RSF1: variants seen among roughly 807,000 people sequenced by gnomAD.
RSF1 encodes the protein remodeling and spacing factor 1.
Under a neutral mutation model 145.2 loss-of-function variants are expected in RSF1, and 13 were observed. The ratio of observed to expected loss-of-function variants is 0.09; its 90% CI spans 0.06 to 0.14. The LOEUF (loss-of-function observed/expected upper bound fraction) is 0.14, where lower values mean the gene tolerates loss of function less well. Among genes scored for constraint, RSF1 ranks in the 10% least tolerant of loss-of-function variants. RSF1 has a pLI of 1.00. For synonymous variants in RSF1, 577 were observed against 592.6 expected (o/e 0.97, Z 0.38); for missense variants, 1,517 against 1,718.2 (o/e 0.88, Z 2.07).
At position 77,814,318 on chromosome 11, in the gene RSF1, C is replaced by T. The variant is rs542082661; in HGVS notation, c.187+6210G>A. Among the ~76,000 whole-genome samples the T allele has an allele frequency of 2.0e-5, 3 of 152,184 alleles. No homozygotes were observed. In the South Asian group the frequency reaches 6.3e-4, roughly 32 times the overall value. The stretch of plus-strand genomic sequence containing the variant: ...TTCAAGACCAGCCTGGACAATACAG[C>T]AAGACCTCATTCTCTACCAAAAAAA... On this transcript the variant is annotated intron_variant, in intron 1 of 15. Coordinates refer to ENST00000308488, the MANE Select transcript of RSF1 (RefSeq NM_016578.4).
At position 77,701,396 on chromosome 11, in the gene RSF1, T is replaced by C; in HGVS notation, c.1833A>G (p.Pro611=). 1.2e-6 allele frequency: 2 copies of C among 1,614,046 alleles called. No homozygotes were observed. The highest frequency in any genetic ancestry group is 1.1e-5 in the South Asian group (1 of 91,064). ...GCTTTTCTGACTCTAGAGTACTCTT[T>C]GGAACTTCTTCTGGTATTGGACTCA... ...QRLSPIPEEV[P]KSTLESEKPG... is the part of the protein sequence containing the mutation. Residue 611 remains proline (P), a synonymous_variant, in exon 6 of 16, where the codon CCA becomes CCG. Coordinates refer to ENST00000308488, the MANE Select transcript of RSF1 (RefSeq NM_016578.4).
the RSF1 span, among the ~76,000 whole-genome samples, chr11:77,844,632 G>A: frequency 6.6e-6 from 1 of 152,134 alleles, no homozygotes; most frequent in Non-Finnish European, 1.5e-5. Flanking sequence ...AAAATGCTGA[G>A]ATTACAGGCA....
At chr11:77,681,056 T>C (rs1330500081) in intron 11 of RSF1, among the ~76,000 whole-genome samples, 1 of 152,210 alleles carries the variant, frequency 6.6e-6, no homozygotes, top group African/African-American at 2.4e-5. Flanking sequence ...AACATCCCAC[T>C]CTTGCCTTAA....
chr11:77,827,614 A>G, the RSF1 span, among the ~76,000 whole-genome samples: 1 of 152,250 alleles, frequency 6.6e-6, no homozygotes, highest in Non-Finnish European at 1.5e-5. Flanking sequence ...TAGGAAGAGA[A>G]GGGAACTTTT....
At chr11:77,770,478 A>C (rs1481482923) in intron 1 of RSF1, among the ~76,000 whole-genome samples, 2 of 152,156 alleles carry the variant, frequency 1.3e-5, no homozygotes, top group African/African-American at 4.8e-5. Context: ...AAACAAAACA[A>C]AAGTATAGCA....
chr11:77,738,349 G>GA (rs1448499508), intron 4 of RSF1, among the ~76,000 whole-genome samples: 9 of 151,846 alleles, frequency 5.9e-5, no homozygotes, highest in Non-Finnish European at 1.2e-4. Flanking sequence ...AAAATATTTA[G>GA]AAAAAAATGA....
chr11:77,857,309 G>T, the RSF1 span, among the ~76,000 whole-genome samples: 1 of 152,178 alleles, frequency 6.6e-6, no homozygotes, highest in Admixed American at 6.5e-5. Context: ...ACTCTTGAAG[G>T]AGAAGTTTCC....
chr11:77,760,447 C>T (rs904426487), intron 2 of RSF1, among the ~76,000 whole-genome samples: 3 of 152,148 alleles, frequency 2.0e-5, no homozygotes, highest in South Asian at 2.1e-4. Context: ...AGATACAAGG[C>T]TTCTTACTGA....
chr11:77,668,767 AT>A (rs1959441260), intron 15 of RSF1, among the ~76,000 whole-genome samples: 1 of 152,210 alleles, frequency 6.6e-6, no homozygotes, highest in South Asian at 2.1e-4. Flanking sequence ...ATATGACACC[AT>A]TTTATATGAG....
chr11:77,752,285 T>G (rs1301641597), intron 2 of RSF1, among the ~76,000 whole-genome samples: 1 of 152,218 alleles, frequency 6.6e-6, no homozygotes, highest in Non-Finnish European at 1.5e-5. Context: ...GGGCCAGGCA[T>G]GTCCACCATG....
chr11:77,732,697 C>T (rs1168855633), intron 4 of RSF1, among the ~76,000 whole-genome samples: 2 of 152,150 alleles, frequency 1.3e-5, no homozygotes, highest in African/African-American at 4.8e-5. Flanking sequence ...CTTTGCCTGC[C>T]GCCATCAATG....
At chr11:77,833,869 A>C in the RSF1 span, among the ~76,000 whole-genome samples, 2 of 152,280 alleles carry the variant, frequency 1.3e-5, no homozygotes, top group Admixed American at 1.3e-4. Context: ...TTTTTGAGTA[A>C]TTCTACCTTC....
At chr11:77,700,568 A>G (rs951276291) in intron 6 of RSF1, among the ~76,000 whole-genome samples, 153 bp downstream of exon 6, 6 of 152,144 alleles carry the variant, frequency 3.9e-5, no homozygotes, top group Non-Finnish European at 7.4e-5. Context: ...AGTATAGAGT[A>G]TAAGTAAGAG....
intron 1 of RSF1, among the ~76,000 whole-genome samples, chr11:77,819,409 G>C (rs149697021): frequency 1.3e-5 from 2 of 152,360 alleles, no homozygotes; most frequent in East Asian, 3.9e-4. Flanking sequence ...TCAGTGTGAA[G>C]GCTGGAGGCA....
rs189997236 is a variant in RSF1, at chr11:77,796,765, G to A, written c.187+23763C>T. ...GATTATACATTTAGAAAATCCCATC[G>A]TCTCAATCCAAAATCTCCTTAAGCT... On this transcript the variant is annotated intron_variant, in intron 1 of 15. Coordinates refer to ENST00000308488, the MANE Select transcript of RSF1 (RefSeq NM_016578.4). Among the ~76,000 whole-genome samples the A allele has an allele frequency of 9.8e-4, 149 of 152,300 alleles. 2 individuals are homozygous for A. Among genetic ancestry groups the A allele is most frequent in the Non-Finnish European group, 3.7e-4 (25 of 68,010 alleles).
intron 5 of RSF1, among the ~76,000 whole-genome samples, chr11:77,719,832 T>C (rs1960903884): frequency 6.6e-6 from 1 of 152,226 alleles, no homozygotes; most frequent in South Asian, 2.1e-4. Context: ...TTTAACATTA[T>C]GTTAGTGTAA....
intron 1 of RSF1, among the ~76,000 whole-genome samples, chr11:77,780,619 A>C (rs1156410395): frequency 6.6e-6 from 1 of 152,126 alleles, no homozygotes; most frequent in Non-Finnish European, 1.5e-5. Context: ...GGAGGTCAGG[A>C]GTTTGAGACA....
At chr11:77,798,372 G>A (rs1296212954) in intron 1 of RSF1, among the ~76,000 whole-genome samples, 2 of 151,654 alleles carry the variant, frequency 1.3e-5, no homozygotes, top group East Asian at 1.9e-4. Flanking sequence ...ATCAACTGAC[G>A]TCAGGAGCTC....
chr11:77,861,579 C>T, the RSF1 span, among the ~76,000 whole-genome samples: 22 of 152,322 alleles, frequency 1.4e-4, no homozygotes, highest in African/African-American at 3.9e-4. Context: ...AGAGGACCTT[C>T]GTCCCCTGGG....
Sources: allele counts gnomAD v4.1 joint callset (sites outside exome capture counted in the v4.1 genomes callset), GRCh38; gene constraint gnomAD v4.1.1; transcripts MANE v1.5; gene names NCBI Gene and HGNC (gene_info 2026-07-23, HGNC 2026-07-21).